The following CSMD1 variants were observed in gnomAD, a reference collection of about 807,000 sequenced individuals.
The protein encoded by CSMD1 is CUB and Sushi multiple domains 1.
CSMD1 carries 213 observed loss-of-function variants against 417.5 expected under a neutral mutation model. The ratio of observed to expected loss-of-function variants is 0.51; its 90% CI spans 0.46 to 0.57. The LOEUF is 0.57. CSMD1 is among the 20% of genes least tolerant of loss of function. The probability of loss-of-function intolerance (pLI) is 0.00; values close to 1 mark genes in which losing one functional copy is unlikely to be tolerated. For missense variants in CSMD1, 6,923 were observed against 4,529.7 expected, an observed-to-expected ratio of 1.53 and a Z score of -15.17; for synonymous variants, 2,862 against 1,736.8, an observed-to-expected ratio of 1.65 and a Z score of -16.11.
chr8:3,984,061 T>G (rs10094217), intron 5 of CSMD1, among the ~76,000 whole-genome samples: 4 of 109,190 alleles, frequency 3.7e-5, no homozygotes, highest in African/African-American at 1.0e-4. Flanking sequence ...GGCTGTCAAT[T>G]GCAGCTCTAG....
At chr8:3,428,321 G>A (rs1441080964) in intron 12 of CSMD1, among the ~76,000 whole-genome samples, 2 of 152,112 alleles carry the variant, frequency 1.3e-5, no homozygotes, top group African/African-American at 4.8e-5. Flanking sequence ...AGAGACGAAT[G>A]GCCAGGCCTC....
chr8:3,671,629 T>C (rs1799072989), intron 7 of CSMD1, among the ~76,000 whole-genome samples: 1 of 146,006 alleles, frequency 6.8e-6, no homozygotes, highest in African/African-American at 2.5e-5. Context: ...CCCTGACTAA[T>C]ATACCATCTA....
intron 2 of CSMD1, among the ~76,000 whole-genome samples, chr8:4,634,069 T>C (rs1044750503): frequency 3.6e-4 from 54 of 152,088 alleles, no homozygotes; most frequent in Admixed American, 3.4e-3. Context: ...ATTTTGAATT[T>C]TGAGTCCAAA....
chr8:4,967,504 T>C (rs113301215), intron 1 of CSMD1, among the ~76,000 whole-genome samples: 19 of 152,272 alleles, frequency 1.2e-4, no homozygotes, highest in Non-Finnish European at 2.6e-4. Flanking sequence ...TCTCATGAAA[T>C]TACTATTCCA....
chr8:4,428,488 G>A (rs1051487358), intron 2 of CSMD1, among the ~76,000 whole-genome samples: 1 of 152,118 alleles, frequency 6.6e-6, no homozygotes, highest in Non-Finnish European at 1.5e-5. Flanking sequence ...TGCATGCCTG[G>A]CATATGTGTA....
chr8:4,978,334 G>C (rs1032211949), intron 1 of CSMD1, among the ~76,000 whole-genome samples: 3 of 151,978 alleles, frequency 2.0e-5, no homozygotes, highest in Non-Finnish European at 4.4e-5. Context: ...CTCTAATCTT[G>C]GAATCTAAAG....
chr8:4,234,965 T>C (rs1801958564), intron 3 of CSMD1, among the ~76,000 whole-genome samples: 1 of 152,200 alleles, frequency 6.6e-6, no homozygotes. Context: ...GGGGTGTTCA[T>C]GACCTCATGG....
intron 12 of CSMD1, among the ~76,000 whole-genome samples, chr8:3,410,421 G>T (rs913042016): frequency 6.6e-6 from 1 of 152,148 alleles, no homozygotes; most frequent in Non-Finnish European, 1.5e-5. Context: ...TTGTGGCAGG[G>T]ATCTGGTGGG....
chr8:3,452,953 T>TG (rs1186804291), intron 12 of CSMD1, among the ~76,000 whole-genome samples: 1 of 152,154 alleles, frequency 6.6e-6, no homozygotes, highest in Non-Finnish European at 1.5e-5. Context: ...TTTCTGGACT[T>TG]TTTTTGGTTG....
chr8:3,074,318 G>A (rs1179888601), intron 49 of CSMD1, among the ~76,000 whole-genome samples: 2 of 152,152 alleles, frequency 1.3e-5, no homozygotes, highest in African/African-American at 4.8e-5. Flanking sequence ...CCTACAATCT[G>A]AGCACATTCT....
intron 1 of CSMD1, among the ~76,000 whole-genome samples, chr8:4,830,513 G>C (rs1800088072): frequency 6.6e-6 from 1 of 152,230 alleles, no homozygotes; most frequent in Admixed American, 6.5e-5. Context: ...GCTACTGCCT[G>C]ACAATGGATT....
intron 2 of CSMD1, among the ~76,000 whole-genome samples, chr8:4,454,913 A>C (rs1445010828): frequency 6.6e-6 from 1 of 152,166 alleles, no homozygotes; most frequent in Non-Finnish European, 1.5e-5. Context: ...CTGAAGTCTT[A>C]CAAACACATC....
intron 4 of CSMD1, among the ~76,000 whole-genome samples, chr8:4,024,929 T>G (rs192379374): frequency 6.6e-6 from 1 of 151,778 alleles, no homozygotes; most frequent in East Asian, 1.9e-4. Context: ...AAAGGTGGTG[T>G]TCAGGTGAGG....
intron 11 of CSMD1, 105 bp downstream of exon 11, chr8:3,493,518 C>G: frequency 1.1e-6 from 1 of 900,228 alleles, no homozygotes; most frequent in South Asian, 1.6e-5. Context: ...TGGCACTAAG[C>G]AAACACCTGA....
chr8:4,218,654 T>C (rs1359287107), intron 3 of CSMD1, among the ~76,000 whole-genome samples: 1 of 152,198 alleles, frequency 6.6e-6, no homozygotes, highest in African/African-American at 2.4e-5. Flanking sequence ...TCAGTATTAG[T>C]GGGACAGTGG....
rs567528617 is a variant in CSMD1 at position 4,211,585 on chromosome 8, A to G, written c.416-179486T>C. On this transcript the variant is annotated intron_variant, in intron 3 of 69. Coordinates refer to ENST00000635120, the MANE Select transcript of CSMD1 (RefSeq NM_033225.6). Reference sequence around the variant, plus strand: ...CTCAAATTAGATAGAAGTTTTGCTGAAACGGCAAAAGTCATCTCCAAGTTG... The same window carrying G: ...CTCAAATTAGATAGAAGTTTTGCTGGAACGGCAAAAGTCATCTCCAAGTTG... 2.4e-4 allele frequency among the ~76,000 whole-genome samples: 36 copies of G among 152,310 alleles called. 1 individual carries two copies. Among genetic ancestry groups the G allele is most frequent in the Non-Finnish European group, 4.1e-4 (28 of 68,024 alleles).
At chr8:4,197,745 G>A (rs755329389) in intron 3 of CSMD1, among the ~76,000 whole-genome samples, 4 of 152,240 alleles carry the variant, frequency 2.6e-5, no homozygotes, top group Admixed American at 6.5e-5. Flanking sequence ...TGGGCATGGT[G>A]GTGCGTTCTT....
chr8:4,382,786 T>C (rs1205842399), intron 3 of CSMD1, among the ~76,000 whole-genome samples: 1 of 152,214 alleles, frequency 6.6e-6, no homozygotes, highest in African/African-American at 2.4e-5. Context: ...ATAATAATGA[T>C]GGCCCCTCAG....
intron 1 of CSMD1, among the ~76,000 whole-genome samples, chr8:4,905,469 T>G (rs2117062093): frequency 6.6e-6 from 1 of 152,190 alleles, no homozygotes; most frequent in Admixed American, 6.5e-5. Context: ...CTTTAGGCAT[T>G]CTAAAACAGG....
Sources: allele counts gnomAD v4.1 joint callset (sites outside exome capture counted in the v4.1 genomes callset), GRCh38; gene constraint gnomAD v4.1.1; transcripts MANE v1.5; gene names NCBI Gene and HGNC (gene_info 2026-07-23, HGNC 2026-07-21).